The following SIPA1L3 variants were observed in gnomAD, a reference collection of about 807,000 sequenced individuals.
SIPA1L3 encodes signal induced proliferation associated 1 like 3.
SIPA1L3 carries 59 observed loss-of-function variants against 150.1 expected under a neutral mutation model. That is an observed-to-expected ratio of 0.39 (90% CI 0.32 to 0.49). SIPA1L3 has a LOEUF of 0.49. Among genes scored for constraint, SIPA1L3 ranks in the 20% least tolerant of loss-of-function variants. The pLI, the probability that SIPA1L3 is intolerant of heterozygous loss-of-function variation, is 0.86. For missense variants in SIPA1L3, 2,211 were observed against 2,489.5 expected, an observed-to-expected ratio of 0.89 and a Z score of 2.38; for synonymous variants, 1,070 against 1,077.6, an observed-to-expected ratio of 0.99 and a Z score of 0.14.
intron 1 of SIPA1L3, among the ~76,000 whole-genome samples, chr19:37,916,187 C>T (rs1454918378): frequency 6.6e-6 from 1 of 151,742 alleles, no homozygotes; most frequent in African/African-American, 2.4e-5. Context: ...CCACCACACC[C>T]GGCTAATTTT....
chr19:37,993,626 C>T lies in SIPA1L3; in HGVS notation c.-378-35463C>T, dbSNP rs113727785. The stretch of plus-strand genomic sequence containing the variant: ...TACGTTCAGGGGAACAGATCCCTAA[C>T]GGGGGAATCTGTGGAGAGCTCCTCC... On this transcript the variant is annotated intron_variant, in intron 1 of 21. Transcript: ENST00000222345. Among the ~76,000 whole-genome samples, 416 of 152,290 alleles carry T rather than the reference C, an allele frequency of 2.7e-3. 2 individuals are homozygous for T. Among genetic ancestry groups the T allele is most frequent in the African/African-American group, 9.4e-3 (390 of 41,566 alleles).
At chr19:38,163,151 A>G (rs1164301569) in intron 14 of SIPA1L3, among the ~76,000 whole-genome samples, 1 of 152,168 alleles carries the variant, frequency 6.6e-6, no homozygotes, top group African/African-American at 2.4e-5. Context: ...CTGACTTCCC[A>G]TTTGGGGCAG....
chr19:37,977,541 T>C (rs1370392287), intron 1 of SIPA1L3, among the ~76,000 whole-genome samples: 1 of 152,016 alleles, frequency 6.6e-6, no homozygotes, highest in East Asian at 1.9e-4. Context: ...CCAGTTTGGA[T>C]CAGGTGGGTG....
chr19:37,999,522 G>A (rs1185996722), intron 1 of SIPA1L3, among the ~76,000 whole-genome samples: 1 of 152,160 alleles, frequency 6.6e-6, no homozygotes, highest in Non-Finnish European at 1.5e-5. Context: ...TTCCAGCGCT[G>A]AACGTGCTCT....
chr19:38,084,641 T>C (rs141977936), intron 3 of SIPA1L3, among the ~76,000 whole-genome samples: 7,902 of 142,812 alleles, frequency 0.055, 228 homozygotes, highest in Middle Eastern at 0.11. Context: ...TTTTCTTTTT[T>C]TTTTTTTTTT....
chr19:38,000,900 A>ATGATATATATGT (rs1555775632), intron 1 of SIPA1L3, among the ~76,000 whole-genome samples: 7 of 131,402 alleles, frequency 5.3e-5, no homozygotes, highest in South Asian at 4.7e-4. Context: ...TATGTTATAT[A>ATGATATATATGT]TATATATATA....
chr19:38,096,075 G>A (rs1436220823), intron 4 of SIPA1L3, among the ~76,000 whole-genome samples: 4 of 152,068 alleles, frequency 2.6e-5, no homozygotes, highest in Admixed American at 2.6e-4. Flanking sequence ...GTTAATTACC[G>A]GGGCCAGAAG....
At chr19:37,968,332 A>G (rs1023258418) in intron 1 of SIPA1L3, among the ~76,000 whole-genome samples, 21 of 152,096 alleles carry the variant, frequency 1.4e-4, no homozygotes, top group African/African-American at 4.6e-4. Flanking sequence ...CTCGGCCTCC[A>G]AAGTGCTGGG....
intron 4 of SIPA1L3, among the ~76,000 whole-genome samples, chr19:38,089,954 C>A (rs755100025): frequency 1.4e-4 from 21 of 152,132 alleles, no homozygotes; most frequent in Non-Finnish European, 1.2e-4. Flanking sequence ...TCATTTTCTT[C>A]TGCCACTAAC....
chr19:38,069,958 G>A (rs1245625485), intron 2 of SIPA1L3, among the ~76,000 whole-genome samples: 1 of 151,520 alleles, frequency 6.6e-6, no homozygotes, highest in African/African-American at 2.4e-5. Context: ...TTACAGGCAC[G>A]AGCTACCATG....
chr19:38,122,825 CT>C (rs1971052022), intron 9 of SIPA1L3, among the ~76,000 whole-genome samples: 1 of 152,226 alleles, frequency 6.6e-6, no homozygotes, highest in African/African-American at 2.4e-5. Flanking sequence ...ACATGGCTCG[CT>C]CCCTTTCCTC....
chr19:37,922,431 TCG>T (rs2046464667), intron 1 of SIPA1L3, among the ~76,000 whole-genome samples: 2 of 151,494 alleles, frequency 1.3e-5, no homozygotes, highest in Admixed American at 1.3e-4. Flanking sequence ...TCTTGCTCTG[TCG>T]CCCAGGCTAG....
intron 1 of SIPA1L3, among the ~76,000 whole-genome samples, chr19:37,978,970 T>G (rs1010814166): frequency 6.6e-6 from 1 of 151,908 alleles, no homozygotes; most frequent in Admixed American, 6.6e-5. Flanking sequence ...AGACCCCGTC[T>G]CAAAAACAAA....
chr19:38,163,270 A>T (rs1464852895), intron 14 of SIPA1L3, among the ~76,000 whole-genome samples: 1 of 152,154 alleles, frequency 6.6e-6, no homozygotes, highest in African/African-American at 2.4e-5. Flanking sequence ...CGGACGGATC[A>T]CCTGCAGTCA....
rs576109096 is a variant in SIPA1L3 at position 38,193,725 on chromosome 19, G to T, written c.4785G>T (p.Pro1595=). 19 of 1,564,820 alleles carry T rather than the reference G, an allele frequency of 1.2e-5. No individual in the cohort carries two copies. Among genetic ancestry groups the T allele is most frequent in the Non-Finnish European group, 1.5e-5 (17 of 1,164,292 alleles). Residue 1595 remains proline, a synonymous_variant, in exon 18 of 22, where the codon CCG becomes CCT. Transcript: ENST00000222345. ...GCCGCCAGCACCAGCACCCCCACCC[G>T]CCCGTCGGCCCCGGTGCCACCCCTG... ...PARRQHQHPH[P]PVGPGATPAA... is the part of the protein sequence containing the mutation.
chr19:37,951,348 A>G (rs2046762165), intron 1 of SIPA1L3, among the ~76,000 whole-genome samples: 1 of 152,234 alleles, frequency 6.6e-6, no homozygotes, highest in African/African-American at 2.4e-5. Flanking sequence ...GTTTATCTTC[A>G]GTTTTGGGAG....
At chr19:37,942,262 G>A (rs2145528345) in intron 1 of SIPA1L3, among the ~76,000 whole-genome samples, 1 of 152,090 alleles carries the variant, frequency 6.6e-6, no homozygotes, top group South Asian at 2.1e-4. Flanking sequence ...TCCAGATGGG[G>A]ATGAATAATG....
intron 9 of SIPA1L3, among the ~76,000 whole-genome samples, chr19:38,127,251 A>G (rs1971198095): frequency 2.0e-5 from 3 of 152,192 alleles, no homozygotes; most frequent in Admixed American, 1.3e-4. Context: ...CCCATGGCTG[A>G]TCTTGTTCTT....
chr19:38,018,847 A>T (rs1968299321), intron 1 of SIPA1L3, among the ~76,000 whole-genome samples: 1 of 152,112 alleles, frequency 6.6e-6, no homozygotes, highest in Non-Finnish European at 1.5e-5. Context: ...CATTTTGTTC[A>T]CCGTACCTAG....
Sources: allele counts gnomAD v4.1 joint callset (sites outside exome capture counted in the v4.1 genomes callset), GRCh38; gene constraint gnomAD v4.1.1; transcripts MANE v1.5; gene names NCBI Gene and HGNC (gene_info 2026-07-23, HGNC 2026-07-21).